NCALD: variants seen among roughly 807,000 people sequenced by gnomAD.
NCALD encodes the protein neurocalcin-delta.
In NCALD, 10 loss-of-function variants were observed where a neutral mutation model predicts 18.6. The ratio of observed to expected loss-of-function variants is 0.54; its 90% CI spans 0.33 to 0.91. The LOEUF (loss-of-function observed/expected upper bound fraction) is 0.91. NCALD is among the 40% of genes least tolerant of loss of function. NCALD has a pLI of 0.03. For synonymous variants in NCALD, 88 were observed against 87.4 expected (o/e 1.01, Z -0.04); for missense variants, 184 against 247.6 (o/e 0.74, Z 1.72).
intron 2 of NCALD, among the ~76,000 whole-genome samples, chr8:102,014,753 T>C (rs1822024062): frequency 6.6e-6 from 1 of 152,122 alleles, no homozygotes; most frequent in South Asian, 2.1e-4. Flanking sequence ...TATTTTGACT[T>C]TGAAAGTTTT....
chr8:101,968,034 G>C (rs1253538990), intron 2 of NCALD, among the ~76,000 whole-genome samples: 1 of 152,096 alleles, frequency 6.6e-6, no homozygotes, highest in Non-Finnish European at 1.5e-5. Flanking sequence ...AATATGATTG[G>C]TTGCCCCTTA....
At chr8:101,932,731 G>C (rs1818623555) in intron 2 of NCALD, among the ~76,000 whole-genome samples, 1 of 152,152 alleles carries the variant, frequency 6.6e-6, no homozygotes, top group Admixed American at 6.5e-5. Flanking sequence ...TAGAGGTACT[G>C]AGCACTGAAC....
chr8:101,823,376 A>G (rs1311526016), intron 4 of NCALD, among the ~76,000 whole-genome samples: 1 of 152,232 alleles, frequency 6.6e-6, no homozygotes, highest in East Asian at 1.9e-4. Context: ...TAGGAAAGAC[A>G]AGAAGAATGC....
At chr8:101,792,845 C>A (rs1812494859), upstream of NCALD, among the ~76,000 whole-genome samples, 1 of 151,502 alleles carries the variant, frequency 6.6e-6, no homozygotes, top group African/African-American at 2.4e-5. Context: ...AACTGCAGTG[C>A]CACATTCTGC....
intron 1 of NCALD, among the ~76,000 whole-genome samples, chr8:101,769,294 G>C (rs1370540489): frequency 6.6e-6 from 1 of 152,188 alleles, no homozygotes; most frequent in East Asian, 1.9e-4. Flanking sequence ...ATAGTGTCCA[G>C]TATTAAACTT....
intron 4 of NCALD, among the ~76,000 whole-genome samples, chr8:101,802,891 C>T (rs1341437954): frequency 2.0e-5 from 2 of 101,024 alleles, no homozygotes; most frequent in Non-Finnish European, 3.8e-5. Flanking sequence ...ATAAATCTTG[C>T]TGCTGCTCAA....
intron 1 of NCALD, among the ~76,000 whole-genome samples, chr8:102,093,289 G>C (rs1824986081): frequency 6.6e-6 from 1 of 152,154 alleles, no homozygotes; most frequent in Non-Finnish European, 1.5e-5. Context: ...GACTGTTTTG[G>C]GGTCTGAATA....
At chr8:101,776,847 G>A (rs182624577) in intron 1 of NCALD, among the ~76,000 whole-genome samples, 48 of 152,190 alleles carry the variant, frequency 3.2e-4, no homozygotes, top group South Asian at 2.1e-4. Flanking sequence ...ATTGAACTGC[G>A]GACGCAACCT....
At chr8:101,772,592 C>T (rs1811629738) in intron 1 of NCALD, among the ~76,000 whole-genome samples, 1 of 152,212 alleles carries the variant, frequency 6.6e-6, no homozygotes, top group Non-Finnish European at 1.5e-5. Context: ...TATCAATTCT[C>T]TTAGGACTTG....
At chr8:101,839,216 G>A (rs1814538123) in intron 4 of NCALD, among the ~76,000 whole-genome samples, 1 of 152,130 alleles carries the variant, frequency 6.6e-6, no homozygotes, top group African/African-American at 2.4e-5. Context: ...TGGTAGTGGT[G>A]TGCAGGAAGT....
chr8:102,027,724 A>G (rs955935160), intron 1 of NCALD, among the ~76,000 whole-genome samples: 2 of 152,196 alleles, frequency 1.3e-5, no homozygotes, highest in African/African-American at 4.8e-5. Context: ...TATCTGAACC[A>G]GGTAATTTAG....
At chr8:101,752,925 C>T (rs1810719075) in intron 1 of NCALD, among the ~76,000 whole-genome samples, 1 of 147,794 alleles carries the variant, frequency 6.8e-6, no homozygotes. Flanking sequence ...TTACGATCCT[C>T]TTTTTTTGTT....
chr8:101,929,154 A>T (rs1423930625), intron 2 of NCALD, among the ~76,000 whole-genome samples: 2 of 150,162 alleles, frequency 1.3e-5, no homozygotes, highest in Non-Finnish European at 3.0e-5. Context: ...CTCGATTCTG[A>T]GAATGTGAAC....
At chr8:101,977,104 T>C (rs905681370) in intron 2 of NCALD, among the ~76,000 whole-genome samples, 3 of 152,020 alleles carry the variant, frequency 2.0e-5, no homozygotes, top group South Asian at 2.1e-4. Flanking sequence ...TGTGAGTTCT[T>C]TGGCAAAGAA....
At chr8:102,060,172 A>C in intron 1 of NCALD, among the ~76,000 whole-genome samples, 1 of 152,040 alleles carries the variant, frequency 6.6e-6, no homozygotes, top group South Asian at 2.1e-4. Context: ...CGGTACAGAC[A>C]GGGTTTCACT....
intron 1 of NCALD, among the ~76,000 whole-genome samples, chr8:102,105,063 C>T (rs1342448187): frequency 6.6e-6 from 1 of 152,136 alleles, no homozygotes; most frequent in Non-Finnish European, 1.5e-5. Context: ...AACACAGAGC[C>T]AAGAGATAGA....
chr8:101,691,169 AC>A (rs2129942672), intron 3 of NCALD: 1 of 985,410 alleles, frequency 1.0e-6, no homozygotes, highest in East Asian at 1.1e-4. Flanking sequence ...GAGCTGAAGC[AC>A]CCAGTCTCCT....
chr8:101,871,383 C>G (rs1002420231), intron 4 of NCALD, among the ~76,000 whole-genome samples: 3 of 152,144 alleles, frequency 2.0e-5, no homozygotes, highest in African/African-American at 7.2e-5. Flanking sequence ...TGACTTGGCT[C>G]CTAACATACC....
chr8:101,749,190 C>T (rs1810550528), intron 1 of NCALD, among the ~76,000 whole-genome samples: 1 of 152,186 alleles, frequency 6.6e-6, no homozygotes, highest in African/African-American at 2.4e-5. Context: ...ATTACATTAG[C>T]CTGAAATAAG....
Sources: gnomAD v4.1 joint callset for allele counts (sites outside exome capture counted in the v4.1 genomes callset) on GRCh38, gnomAD v4.1.1 for gene constraint, MANE v1.5 for transcripts, NCBI Gene and HGNC (gene_info 2026-07-23, HGNC 2026-07-21) for gene names.